MICU1: variants seen among roughly 807,000 people sequenced by gnomAD.
MICU1 encodes the protein calcium uptake protein 1, mitochondrial.
A neutral mutation model predicts 56.8 loss-of-function variants in MICU1; 45 were observed. That is an observed-to-expected ratio of 0.79 (90% CI 0.62 to 1.02). MICU1 has a LOEUF of 1.02. Among genes scored for constraint, MICU1 ranks in the 50% least tolerant of loss-of-function variants. The probability of loss-of-function intolerance (pLI) is 0.00; values close to 1 mark genes in which losing one functional copy is unlikely to be tolerated. For missense variants in MICU1, 504 were observed against 587.1 expected, an observed-to-expected ratio of 0.86 and a Z score of 1.46; for synonymous variants, 186 against 195.1, an observed-to-expected ratio of 0.95 and a Z score of 0.39.
At chr10:72,414,211 A>C (rs1311659561) in intron 9 of MICU1, among the ~76,000 whole-genome samples, 1 of 152,238 alleles carries the variant, frequency 6.6e-6, no homozygotes, top group Non-Finnish European at 1.5e-5. Context: ...CCAAAACTGG[A>C]AACAATCCAA....
intron 6 of MICU1, among the ~76,000 whole-genome samples, chr10:72,503,299 A>T (rs1867137193): frequency 6.6e-6 from 1 of 152,250 alleles, no homozygotes; most frequent in Non-Finnish European, 1.5e-5. Context: ...AGAAAACTGC[A>T]TCAAGGCACA....
intron 6 of MICU1, among the ~76,000 whole-genome samples, chr10:72,492,994 G>A (rs1176412424): frequency 6.6e-6 from 1 of 151,812 alleles, no homozygotes; most frequent in Non-Finnish European, 1.5e-5. Context: ...GTGCATGCCT[G>A]TAATCCCAGC....
intron 10 of MICU1, among the ~76,000 whole-genome samples, chr10:72,393,299 A>G (rs1863139556): frequency 6.6e-6 from 1 of 152,210 alleles, no homozygotes; most frequent in Non-Finnish European, 1.5e-5. Context: ...TCAGGGAGTG[A>G]TAAATGCTAT....
At chr10:72,593,648 GAACT>G (rs1646615571) in intron 1 of MICU1, among the ~76,000 whole-genome samples, 1 of 152,112 alleles carries the variant, frequency 6.6e-6, no homozygotes, top group East Asian at 1.9e-4. Flanking sequence ...AAAACTGTTA[GAACT>G]AATAAATGAA....
rs116158246 is a variant in MICU1, at chr10:72,408,907, T to G, written c.1072-870A>C. On this transcript the variant is annotated intron_variant, in intron 9 of 11. Transcript: ENST00000361114. ...GCTACCCACAAAGTAATTTGCCACTTAACTTTAATCTAATGAAATTCTGTG... is the reference window on the plus strand; with the variant it reads ...GCTACCCACAAAGTAATTTGCCACTGAACTTTAATCTAATGAAATTCTGTG... Among the ~76,000 whole-genome samples, 385 of 152,328 alleles carry G rather than the reference T, an allele frequency of 2.5e-3. 4 individuals are homozygous for G. The highest frequency in any genetic ancestry group is 8.9e-3 in the African/African-American group (368 of 41,564).
At chr10:72,524,700 T>A in intron 5 of MICU1, 3 of 1,228,956 alleles carry the variant, frequency 2.4e-6, no homozygotes, top group Non-Finnish European at 3.0e-6. Flanking sequence ...TTTGGAGCAT[T>A]AAGTAATTTA....
chr10:72,533,270 T>C (rs1340756680), intron 5 of MICU1: 1 of 616,242 alleles, frequency 1.6e-6, no homozygotes. Context: ...GTATAAATAA[T>C]TAAAAATAAG....
At chr10:72,549,633 A>G (rs1170609726) in intron 4 of MICU1, among the ~76,000 whole-genome samples, 1 of 152,046 alleles carries the variant, frequency 6.6e-6, no homozygotes, top group Non-Finnish European at 1.5e-5. Context: ...TATACTCTCT[A>G]AAGAATTGGT....
At chr10:72,526,556 A>G (rs573224672) in intron 5 of MICU1, among the ~76,000 whole-genome samples, 5 of 152,210 alleles carry the variant, frequency 3.3e-5, no homozygotes, top group African/African-American at 7.2e-5. Flanking sequence ...TCGGCCTCCC[A>G]AAGTGCTGGG....
intron 5 of MICU1, among the ~76,000 whole-genome samples, chr10:72,508,838 T>C (rs899161816): frequency 6.6e-6 from 1 of 152,194 alleles, no homozygotes; most frequent in African/African-American, 2.4e-5. Context: ...CTCTGAAATA[T>C]AATGCCAAAT....
chr10:72,589,253 C>G, intron 1 of MICU1, among the ~76,000 whole-genome samples: 1 of 151,534 alleles, frequency 6.6e-6, no homozygotes, highest in East Asian at 1.9e-4. Flanking sequence ...TGCGTCACTG[C>G]ACTCCAGCCT....
At chr10:72,477,134 A>T in intron 7 of MICU1, 40 bp downstream of exon 7, 1 of 1,411,790 alleles carries the variant, frequency 7.1e-7, no homozygotes, top group Non-Finnish European at 9.6e-7. Flanking sequence ...ATGTATTTTA[A>T]ATATTAATGT....
chr10:72,426,433 T>TGTC (rs1392645295), intron 8 of MICU1, among the ~76,000 whole-genome samples: 1 of 150,984 alleles, frequency 6.6e-6, no homozygotes, highest in African/African-American at 2.4e-5. Context: ...GGTCTTGCAC[T>TGTC]GTCACCCAGG....
chr10:72,595,447 C>CAAAAAA (rs1255926638), intron 1 of MICU1, among the ~76,000 whole-genome samples: 1 of 41,156 alleles, frequency 2.4e-5, no homozygotes, highest in East Asian at 7.0e-4. Flanking sequence ...GACTCTGTCT[C>CAAAAAA]AAAAAAAAAA....
intron 1 of MICU1, among the ~76,000 whole-genome samples, chr10:72,614,005 G>A (rs1841918453): frequency 6.6e-6 from 1 of 152,060 alleles, no homozygotes; most frequent in Admixed American, 6.6e-5. Context: ...AAATTAGCTG[G>A]GCGTGGTGGC....
At chr10:72,574,038 C>A (rs1840681162) in intron 1 of MICU1, among the ~76,000 whole-genome samples, 1 of 152,082 alleles carries the variant, frequency 6.6e-6, no homozygotes, top group Non-Finnish European at 1.5e-5. Flanking sequence ...ATATTTCTGA[C>A]CCCTGACAAC....
chr10:72,557,173 A>G (rs2132456320), intron 3 of MICU1, among the ~76,000 whole-genome samples: 1 of 152,320 alleles, frequency 6.6e-6, no homozygotes, highest in Middle Eastern at 3.4e-3. Context: ...ATACACCTCA[A>G]AATACACTAT....
chr10:72,386,259 A>G (rs1327032625), intron 10 of MICU1, among the ~76,000 whole-genome samples: 2 of 151,824 alleles, frequency 1.3e-5, no homozygotes, highest in Non-Finnish European at 2.9e-5. Flanking sequence ...TTGGCTCACT[A>G]CAACCTCTGC....
chr10:72,422,426 C>T (rs1456811053), intron 9 of MICU1, among the ~76,000 whole-genome samples: 2 of 152,238 alleles, frequency 1.3e-5, no homozygotes, highest in African/African-American at 4.8e-5. Context: ...TAGGCTAATA[C>T]ACTGCCTTGG....
Sources: allele counts gnomAD v4.1 joint callset (sites outside exome capture counted in the v4.1 genomes callset), GRCh38; gene constraint gnomAD v4.1.1; transcripts MANE v1.5; gene names NCBI Gene and HGNC (gene_info 2026-07-23, HGNC 2026-07-21).